Variants in ARHGAP24 observed in about 807,000 individuals in gnomAD.
ARHGAP24 encodes the protein rho GTPase-activating protein 24.
Under a neutral mutation model 76.4 loss-of-function variants are expected in ARHGAP24, and 50 were observed. The ratio of observed to expected loss-of-function variants is 0.65; its 90% CI spans 0.52 to 0.83. The LOEUF is 0.83. Among genes scored for constraint, ARHGAP24 ranks in the 40% least tolerant of loss-of-function variants. ARHGAP24 has a pLI of 0.00. For missense variants in ARHGAP24, 930 were observed against 914.2 expected (o/e 1.02, Z -0.22); for synonymous variants, 345 against 323.3 (o/e 1.07, Z -0.72).
chr4:85,547,306 G>A (rs1183768488), intron 1 of ARHGAP24, among the ~76,000 whole-genome samples: 1 of 152,068 alleles, frequency 6.6e-6, no homozygotes, highest in East Asian at 1.9e-4. Context: ...ATGTCCCTCA[G>A]TTTTATTTGT....
intron 2 of ARHGAP24, among the ~76,000 whole-genome samples, chr4:85,591,124 C>A (rs6812150): frequency 0.93 from 138,444 of 149,056 alleles, 64,325 homozygotes; most frequent in East Asian, 0.98. Context: ...AACTCACTGC[C>A]ACCTCTGCCT....
chr4:85,807,478 C>T (rs1433805785), intron 3 of ARHGAP24, among the ~76,000 whole-genome samples: 1 of 152,186 alleles, frequency 6.6e-6, no homozygotes, highest in African/African-American at 2.4e-5. Context: ...AAATCAGACT[C>T]TGAAATCCAA....
At chr4:85,950,750 C>T (rs1403105341) in intron 5 of ARHGAP24, among the ~76,000 whole-genome samples, 1 of 151,338 alleles carries the variant, frequency 6.6e-6, no homozygotes, top group African/African-American at 2.4e-5. Context: ...TGGCTCACTG[C>T]AACCTCTGTC....
At chr4:85,610,480 A>AAAAAAAAAC (rs1720345211) in intron 2 of ARHGAP24, among the ~76,000 whole-genome samples, 1 of 146,376 alleles carries the variant, frequency 6.8e-6, no homozygotes, top group Non-Finnish European at 1.5e-5. Flanking sequence ...AAAAAAAAAA[A>AAAAAAAAAC]AAGAAAGCAC....
chr4:85,831,350 T>G (rs1729985311), intron 3 of ARHGAP24, among the ~76,000 whole-genome samples: 1 of 152,188 alleles, frequency 6.6e-6, no homozygotes, highest in Admixed American at 6.5e-5. Context: ...ATTGCAAAGT[T>G]TCCTATTTAT....
intron 2 of ARHGAP24, among the ~76,000 whole-genome samples, chr4:85,648,408 G>A (rs956307153): frequency 2.0e-5 from 3 of 152,106 alleles, no homozygotes; most frequent in Non-Finnish European, 4.4e-5. Flanking sequence ...CTTAAAACTA[G>A]TTTGAAAACA....
At chr4:85,526,848 T>G (rs373564057) in intron 1 of ARHGAP24, among the ~76,000 whole-genome samples, 1 of 152,192 alleles carries the variant, frequency 6.6e-6, no homozygotes, top group Non-Finnish European at 1.5e-5. Context: ...CGTTCAGCTT[T>G]TTAATAATAG....
intron 3 of ARHGAP24, among the ~76,000 whole-genome samples, chr4:85,798,539 A>G: frequency 6.6e-6 from 1 of 152,226 alleles, no homozygotes; most frequent in East Asian, 1.9e-4. Context: ...ACATGAGTGC[A>G]TGTAAAAACT....
At chr4:85,838,997 G>A (rs1031228277) in intron 3 of ARHGAP24, among the ~76,000 whole-genome samples, 3 of 152,206 alleles carry the variant, frequency 2.0e-5, no homozygotes, top group African/African-American at 7.2e-5. Context: ...CACAACCTGA[G>A]CATTGTTCAT....
chr4:85,540,185 G>T, intron 1 of ARHGAP24, among the ~76,000 whole-genome samples: 1 of 151,794 alleles, frequency 6.6e-6, no homozygotes, highest in East Asian at 1.9e-4. Context: ...GTGTTTAGAG[G>T]ATTTATTTTT....
In ARHGAP24 at chr4:85,570,503, CTTTT is replaced by C. The variant is rs750067783; in HGVS notation, c.-20-17_-20-14del. Reference sequence around the variant, plus strand: ...ACAGAGCACCTCATTATTTTCCTTTCTTTTTGTTTGCTAACTAGGAAAGTCCATC... The same window carrying C: ...ACAGAGCACCTCATTATTTTCCTTTCTGTTTGCTAACTAGGAAAGTCCATC... On this transcript the variant is annotated splice_polypyrimidine_tract_variant and intron_variant, in intron 1 of 9. Transcript: ENST00000395184. 2.5e-6 allele frequency: 4 copies of C among 1,592,578 alleles called. No homozygotes were observed. Among genetic ancestry groups the C allele is most frequent in the Non-Finnish European group, 3.4e-6 (4 of 1,169,820 alleles).
chr4:85,842,892 A>G (rs1253249807), intron 3 of ARHGAP24, among the ~76,000 whole-genome samples: 5 of 152,042 alleles, frequency 3.3e-5, no homozygotes, highest in African/African-American at 1.2e-4. Context: ...GGTATCAGTA[A>G]CCCTGATGAA....
chr4:85,987,484 A>G (rs1350879763), intron 8 of ARHGAP24, among the ~76,000 whole-genome samples: 2 of 152,102 alleles, frequency 1.3e-5, no homozygotes, highest in African/African-American at 4.8e-5. Flanking sequence ...AGGACATAAA[A>G]TAGCTAATAG....
chr4:85,854,234 A>G (rs1731430758), intron 3 of ARHGAP24, among the ~76,000 whole-genome samples: 1 of 152,190 alleles, frequency 6.6e-6, no homozygotes. Flanking sequence ...GGCAAAATGT[A>G]ATAATCAGCA....
chr4:85,941,964 A>C, intron 4 of ARHGAP24, 102 bp from the exon 5 acceptor site: 1 of 1,182,386 alleles, frequency 8.5e-7, no homozygotes. Context: ...GCTTGCTAGC[A>C]TTCCAATCTT....
rs571999347 is a variant in ARHGAP24 at position 85,509,971 on chromosome 4, G to A, written c.-21+34412G>A. ...CAAAGATAGAGTGGTGGCAAGATGC[G>A]CCTCCATATGGATGCCCCTTGATCT... On this transcript the variant is annotated intron_variant, in intron 1 of 9. Coordinates refer to ENST00000395184, the MANE Select transcript of ARHGAP24 (RefSeq NM_001025616.3). Among the ~76,000 whole-genome samples the A allele has an allele frequency of 2.0e-4, 31 of 152,222 alleles. 1 individual carries two copies. The South Asian group carries it at 5.2e-3, about 25-fold the overall frequency.
intron 3 of ARHGAP24, among the ~76,000 whole-genome samples, chr4:85,809,891 G>A (rs367797620): frequency 1.3e-5 from 2 of 152,094 alleles, no homozygotes; most frequent in East Asian, 3.9e-4. Context: ...TCTTCCAAAG[G>A]TATATTTGAA....
At chr4:85,930,003 T>C (rs1365886454) in intron 4 of ARHGAP24, among the ~76,000 whole-genome samples, 1 of 152,150 alleles carries the variant, frequency 6.6e-6, no homozygotes, top group Non-Finnish European at 1.5e-5. Context: ...GAAAGGAGTT[T>C]GTACCGTAGC....
intron 1 of ARHGAP24, among the ~76,000 whole-genome samples, chr4:85,501,043 A>T (rs1723791026): frequency 6.6e-6 from 1 of 152,212 alleles, no homozygotes; most frequent in Non-Finnish European, 1.5e-5. Flanking sequence ...CTGCAAAGAC[A>T]TGAACTCATC....
Sources: gnomAD v4.1 joint callset for allele counts (sites outside exome capture counted in the v4.1 genomes callset) on GRCh38, gnomAD v4.1.1 for gene constraint, MANE v1.5 for transcripts, NCBI Gene and HGNC (gene_info 2026-07-23, HGNC 2026-07-21) for gene names.